The following BANP variants were observed in gnomAD, a reference collection of about 807,000 sequenced individuals.
The protein encoded by BANP is protein BANP.
In BANP, 11 loss-of-function variants were observed where a neutral mutation model predicts 68.1. The observed-to-expected ratio is 0.16, with a 90% CI of 0.10 to 0.27. The LOEUF is 0.27. Among genes scored for constraint, BANP ranks in the 10% least tolerant of loss-of-function variants. The probability of loss-of-function intolerance (pLI) is 1.00; values close to 1 mark genes in which losing one functional copy is unlikely to be tolerated. For synonymous variants in BANP, 329 were observed against 303.2 expected, an observed-to-expected ratio of 1.09 and a Z score of -0.88; for missense variants, 504 against 722.7, an observed-to-expected ratio of 0.70 and a Z score of 3.47.
At chr16:88,023,021 G>A (rs960608864) in intron 7 of BANP, among the ~76,000 whole-genome samples, 3 of 152,238 alleles carry the variant, frequency 2.0e-5, no homozygotes, top group Admixed American at 6.5e-5. Context: ...GGGTGGTCAG[G>A]TGCTGTCTCT....
Position 88,004,423 on chromosome 16 carries a change from G to A in BANP, c.479+12G>A, listed in dbSNP as rs1342057786. The A allele has an allele frequency of 2.1e-6, 3 of 1,404,912 alleles. No individual in the cohort carries two copies. Among genetic ancestry groups the A allele is most frequent in the Non-Finnish European group, 2.9e-6 (3 of 1,023,654 alleles). The allele number at this position is 1,404,912 out of a possible 1,614,324, so 87.0% of individuals were successfully genotyped here. ...AATGTCATTAGCAAGTCAGTAGCAC[G>A]GCACCAACCCCACCTTTCCCTGCCA... On this transcript the variant is annotated intron_variant, in intron 5 of 13. Transcript: ENST00000682872. The surrounding 1 kb of genome is among the most constrained non-coding windows in gnomAD (Gnocchi z 7.0).
At chr16:88,025,102 A>C (rs1172967461) in intron 7 of BANP, among the ~76,000 whole-genome samples, 2 of 152,112 alleles carry the variant, frequency 1.3e-5, no homozygotes, top group African/African-American at 4.8e-5. Context: ...CTCGTGCTCC[A>C]AAGATGTTTT....
intron 13 of BANP, among the ~76,000 whole-genome samples, chr16:88,073,382 G>A (rs896132816): frequency 2.0e-5 from 3 of 151,956 alleles, no homozygotes; most frequent in Non-Finnish European, 2.9e-5. Flanking sequence ...CCATGGGCAC[G>A]GTGGCCCCTG....
At position 88,002,887 on chromosome 16, in the gene BANP, G is replaced by C. The variant is rs1024802796; in HGVS notation, c.363-1408G>C. 2.6e-5 allele frequency among the ~76,000 whole-genome samples: 4 copies of C among 152,212 alleles called. No individual in the cohort carries two copies. Among genetic ancestry groups the C allele is most frequent in the Admixed American group, 6.5e-5 (1 of 15,276 alleles). On this transcript the variant is annotated intron_variant, in intron 4 of 13. Transcript: ENST00000682872. The surrounding 1 kb of genome is among the most constrained non-coding windows in gnomAD (Gnocchi z 4.6). ...ACCGTCCTTCTTCAGTTGCTCATGG[G>C]GGGAGAGAATAAATGCATGTGTGGA...
intron 11 of BANP, among the ~76,000 whole-genome samples, chr16:88,041,139 C>T (rs1182568918): frequency 1.3e-5 from 2 of 152,376 alleles, no homozygotes; most frequent in Admixed American, 1.3e-4. Flanking sequence ...TCCTATTCCA[C>T]TTCTGAGATG....
intron 8 of BANP, among the ~76,000 whole-genome samples, chr16:88,029,772 A>G (rs1464789605): frequency 6.6e-6 from 1 of 152,248 alleles, no homozygotes; most frequent in Non-Finnish European, 1.5e-5. Context: ...TGATCCTGAG[A>G]GAAGGAACAT....
rs1282352493 is a variant in BANP at position 88,036,497 on chromosome 16, A to G, written c.1272+1103A>G. Among the ~76,000 whole-genome samples the G allele has an allele frequency of 6.6e-6, 1 of 151,974 alleles. No homozygotes were observed. The highest frequency in any genetic ancestry group is 1.5e-5 in the Non-Finnish European group (1 of 67,998). On this transcript the variant is annotated intron_variant, in intron 10 of 13. Coordinates refer to ENST00000682872, the MANE Select transcript of BANP (RefSeq NM_001386991.1). This position sits in a 1 kb window ranked among gnomAD's most constrained non-coding sequence, Gnocchi z 4.2. ...CGTGAGCAAGACTGTGGACACATGC[A>G]CGCCGTGGCACGTGGAGCACCAGGG... is the stretch of plus-strand genomic sequence containing the variant.
chr16:88,071,000 C>T (rs968184947), intron 12 of BANP: 3 of 156,908 alleles, frequency 1.9e-5, no homozygotes, highest in Non-Finnish European at 4.2e-5. Flanking sequence ...CAGGTGAAAG[C>T]CCTGGTCCGG....
In BANP at chr16:88,003,400, G is replaced by C. The variant is rs1484400551; in HGVS notation, c.363-895G>C. On this transcript the variant is annotated intron_variant, in intron 4 of 13. Transcript: ENST00000682872. This position sits in a 1 kb window ranked among gnomAD's most constrained non-coding sequence, Gnocchi z 6.1. The stretch of plus-strand genomic sequence containing the variant: ...AGGCAGGCTTCCCAGGTTGGTTTTT[G>C]GAGAGTGAAATCCAAGAATGGAGTT... 2.2e-6 allele frequency: 1 copy of C among 455,268 alleles called. No homozygotes were observed. The highest frequency in any genetic ancestry group is 2.0e-5 in the African/African-American group (1 of 49,996). 28.2% of individuals were successfully genotyped at this position (455,268 alleles called of 1,614,324 possible). A position where few individuals can be genotyped will look rare whatever the true frequency, so the allele number is the denominator to read the frequency against.
intron 7 of BANP, among the ~76,000 whole-genome samples, chr16:88,024,003 G>A (rs1338817111): frequency 1.3e-5 from 2 of 152,218 alleles, no homozygotes; most frequent in African/African-American, 2.4e-5. Flanking sequence ...TGGGGATCCC[G>A]TGAGCCTCAG....
At chr16:87,991,969 C>T (rs1243134258) in intron 4 of BANP, among the ~76,000 whole-genome samples, 1 of 152,140 alleles carries the variant, frequency 6.6e-6, no homozygotes, top group African/African-American at 2.4e-5. Flanking sequence ...AGCATTTCAC[C>T]ATTAAGTCTG....
chr16:88,076,740 G>A lies in BANP; in HGVS notation c.*79G>A, dbSNP rs117893382. ...CCACGCGCCCTGCTCTCACGGCCTC[G>A]GCACAGGCAGCGGCTGCACGTGTTC... is the stretch of plus-strand genomic sequence containing the variant. On this transcript the variant is annotated 3_prime_UTR_variant, in exon 14 of 14. Coordinates refer to ENST00000682872, the MANE Select transcript of BANP (RefSeq NM_001386991.1). 1.5e-5 allele frequency: 18 copies of A among 1,208,778 alleles called. No individual in the cohort carries two copies. Among genetic ancestry groups the A allele is most frequent in the Middle Eastern group, 2.7e-4 (1 of 3,674 alleles). 74.9% of individuals were successfully genotyped at this position (1,208,778 alleles called of 1,614,324 possible).
At chr16:88,061,669 TC>T (rs1317446155) in intron 11 of BANP, among the ~76,000 whole-genome samples, 1 of 108,862 alleles carries the variant, frequency 9.2e-6, no homozygotes, top group Non-Finnish European at 2.6e-5. Flanking sequence ...CATTTTTCTT[TC>T]TTTTTTTTTT....
At position 88,071,560 on chromosome 16, in the gene BANP, C is replaced by T; in HGVS notation, c.1378-509C>T. ...CTTTCCTGCGAGCTTCTGCTGGGTT[C>T]TCAGTGCCCACCAGCAGCTCCTTTG... is the stretch of plus-strand genomic sequence containing the variant. On this transcript the variant is annotated intron_variant, in intron 12 of 13. Transcript: ENST00000682872. This position sits in a 1 kb window ranked among gnomAD's most constrained non-coding sequence, Gnocchi z 6.5. 2.2e-6 allele frequency: 1 copy of T among 457,108 alleles called. No homozygotes were observed. Among genetic ancestry groups the T allele is most frequent in the Non-Finnish European group, 4.4e-6 (1 of 227,306 alleles). 28.3% of individuals were successfully genotyped at this position (457,108 alleles called of 1,614,324 possible).
At chr16:87,999,271 C>CCCA (rs2068371369) in intron 4 of BANP, among the ~76,000 whole-genome samples, 1 of 140,006 alleles carries the variant, frequency 7.1e-6, no homozygotes, top group Admixed American at 7.1e-5. Context: ...CTTCCAGACA[C>CCCA]GTCTCCATGC....
chr16:88,055,772 A>G (rs529822561), intron 11 of BANP, among the ~76,000 whole-genome samples: 1 of 152,234 alleles, frequency 6.6e-6, no homozygotes, highest in South Asian at 2.1e-4. Context: ...CACACACCCT[A>G]TGTCACTTGT....
chr16:87,975,236 A>T, intron 2 of BANP, 51 bp downstream of exon 2: 2 of 1,566,460 alleles, frequency 1.3e-6, no homozygotes, highest in Non-Finnish European at 1.8e-6. Flanking sequence ...TATTCTTCAA[A>T]AACCAAAAGC....
In BANP at chr16:88,071,543, C is replaced by T. The variant is rs769216266; in HGVS notation, c.1378-526C>T. The T allele has an allele frequency of 3.1e-5, 14 of 456,526 alleles. No homozygotes were observed. Among genetic ancestry groups the T allele is most frequent in the African/African-American group, 1.2e-4 (6 of 50,086 alleles). 28.3% of individuals were successfully genotyped at this position (456,526 alleles called of 1,614,324 possible). ...CTTGGAACTGGGCCTCACTTTCCTG[C>T]GAGCTTCTGCTGGGTTCTCAGTGCC... On this transcript the variant is annotated intron_variant, in intron 12 of 13. Transcript: ENST00000682872. The surrounding 1 kb of genome is among the most constrained non-coding windows in gnomAD (Gnocchi z 6.5).
chr16:87,994,869 G>C (rs2066762695), intron 4 of BANP, among the ~76,000 whole-genome samples: 1 of 152,168 alleles, frequency 6.6e-6, no homozygotes, highest in Non-Finnish European at 1.5e-5. Context: ...TATTGATTAG[G>C]TGACATGAGC....
Sources: allele counts gnomAD v4.1 joint callset (sites outside exome capture counted in the v4.1 genomes callset), GRCh38; gene constraint gnomAD v4.1.1; non-coding constraint Gnocchi (gnomAD v3.1); transcripts MANE v1.5; gene names NCBI Gene and HGNC (gene_info 2026-07-23, HGNC 2026-07-21).